The following SAMMSON variants were observed in gnomAD, a reference collection of about 807,000 sequenced individuals.
The protein encoded by SAMMSON is survival associated mitochondrial melanoma specific oncogenic non-coding RNA.
At chr3:70,429,128 GA>G (rs1265059701) in intron 2 of SAMMSON, among the ~76,000 whole-genome samples, 1 of 151,992 alleles carries the variant, frequency 6.6e-6, no homozygotes, top group African/African-American at 2.4e-5. Flanking sequence ...AATCCATCTT[GA>G]GTTAATTTTT....
chr3:70,230,966 T>G (rs1312793352), intron 4 of SAMMSON, among the ~76,000 whole-genome samples: 11 of 152,198 alleles, frequency 7.2e-5, no homozygotes, highest in Admixed American at 7.2e-4. Context: ...CATTTCGCAG[T>G]GATTCCCTGC....
intron 9 of SAMMSON, among the ~76,000 whole-genome samples, chr3:70,369,205 T>C (rs1449891258): frequency 6.6e-6 from 1 of 151,762 alleles, no homozygotes; most frequent in Non-Finnish European, 1.5e-5. Context: ...AATTGATTTT[T>C]GTATATTAAC....
chr3:70,054,566 C>G (rs1030479231), intron 3 of SAMMSON, among the ~76,000 whole-genome samples: 3 of 152,106 alleles, frequency 2.0e-5, no homozygotes, highest in Non-Finnish European at 4.4e-5. Context: ...GTGACTTACT[C>G]AAGTCTAGCA....
intron 4 of SAMMSON, among the ~76,000 whole-genome samples, chr3:70,082,890 G>A (rs922249644): frequency 5.3e-5 from 8 of 152,204 alleles, no homozygotes; most frequent in African/African-American, 1.9e-4. Context: ...TTTCTCAGAT[G>A]TAGAAACTAA....
At chr3:70,214,852 G>T (rs550477247) in intron 4 of SAMMSON, among the ~76,000 whole-genome samples, 1 of 151,930 alleles carries the variant, frequency 6.6e-6, no homozygotes, top group Non-Finnish European at 1.5e-5. Context: ...TTTGTAAAAA[G>T]TGTCTCAAGA....
chr3:70,010,682 C>G (rs2066950336), intron 1 of SAMMSON, among the ~76,000 whole-genome samples: 1 of 122,272 alleles, frequency 8.2e-6, no homozygotes, highest in South Asian at 2.9e-4. Flanking sequence ...AGTTCTTTTG[C>G]TGCTATAAAG....
intron 4 of SAMMSON, among the ~76,000 whole-genome samples, chr3:70,244,812 A>T (rs1191992648): frequency 6.6e-6 from 1 of 152,238 alleles, no homozygotes; most frequent in East Asian, 1.9e-4. Context: ...CTATGTATAT[A>T]TCCATGCCTC....
Position 70,128,012 on chromosome 3 carries a change from G to A in SAMMSON, n.507+56447G>A, listed in dbSNP as rs1427663285. 3.9e-5 allele frequency among the ~76,000 whole-genome samples: 6 copies of A among 152,164 alleles called. 1 individual carries two copies. Among genetic ancestry groups the A allele is most frequent in the Non-Finnish European group, 8.8e-5 (6 of 68,040 alleles). ...ATTAGTAAGGACCAGAATGGATAAC[G>A]TTCCTGGGTCAGGCATCATTTTCAG... is the stretch of plus-strand genomic sequence containing the variant. On this transcript the variant is annotated intron_variant and non_coding_transcript_variant, in intron 4 of 9. Coordinates refer to ENST00000642114, the Ensembl canonical transcript of SAMMSON.
At chr3:70,251,638 G>A (rs961491404) in intron 6 of SAMMSON, among the ~76,000 whole-genome samples, 1 of 152,058 alleles carries the variant, frequency 6.6e-6, no homozygotes, top group African/African-American at 2.4e-5. Context: ...GCAAATTTAG[G>A]TTCTGCTTTT....
At chr3:70,280,540 C>T (rs2106681190) in intron 6 of SAMMSON, among the ~76,000 whole-genome samples, 1 of 152,222 alleles carries the variant, frequency 6.6e-6, no homozygotes, top group South Asian at 2.1e-4. Flanking sequence ...TCTACTTTTG[C>T]CTGTATTGAA....
chr3:70,325,353 C>T (rs1702570803), intron 7 of SAMMSON, among the ~76,000 whole-genome samples: 1 of 152,112 alleles, frequency 6.6e-6, no homozygotes, highest in Non-Finnish European at 1.5e-5. Flanking sequence ...TTTTCTGTTC[C>T]AGTCACCTCA....
At chr3:70,354,981 T>C (rs1702819325) in intron 8 of SAMMSON, among the ~76,000 whole-genome samples, 1 of 152,086 alleles carries the variant, frequency 6.6e-6, no homozygotes, top group Non-Finnish European at 1.5e-5. Flanking sequence ...CTAACTCAGA[T>C]TTACCACGAC....
chr3:70,210,869 TAGAC>T (rs1701336662), intron 4 of SAMMSON, among the ~76,000 whole-genome samples: 1 of 152,112 alleles, frequency 6.6e-6, no homozygotes, highest in South Asian at 2.1e-4. Context: ...AGAGAAAAGA[TAGAC>T]AGCTAGTTAA....
At chr3:70,052,094 T>C (rs2067148535) in intron 3 of SAMMSON, among the ~76,000 whole-genome samples, 1 of 152,030 alleles carries the variant, frequency 6.6e-6, no homozygotes, top group East Asian at 1.9e-4. Flanking sequence ...CGAGGACCTG[T>C]CTCAAAAACA....
intron 7 of SAMMSON, among the ~76,000 whole-genome samples, chr3:70,307,879 A>G (rs1333191078): frequency 6.6e-6 from 1 of 152,150 alleles, no homozygotes; most frequent in Non-Finnish European, 1.5e-5. Flanking sequence ...TAATCAGCCA[A>G]TATGCCCATT....
At chr3:70,000,348 C>A (rs12495230) in intron 1 of SAMMSON, among the ~76,000 whole-genome samples, 1 of 151,990 alleles carries the variant, frequency 6.6e-6, no homozygotes, top group African/African-American at 2.4e-5. Context: ...CAAGGGAACC[C>A]GTACCGTTTC....
At chr3:70,218,806 C>T (rs763141953) in intron 4 of SAMMSON, among the ~76,000 whole-genome samples, 3 of 152,132 alleles carry the variant, frequency 2.0e-5, no homozygotes, top group Non-Finnish European at 4.4e-5. Flanking sequence ...AGTGCATTGA[C>T]TGTGCTTGGC....
intron 4 of SAMMSON, among the ~76,000 whole-genome samples, chr3:70,086,988 A>C (rs946062581): frequency 6.6e-6 from 1 of 152,148 alleles, no homozygotes; most frequent in Admixed American, 6.6e-5. Context: ...AGCCCCAAAT[A>C]CAGCCCGCGG....
intron 4 of SAMMSON, among the ~76,000 whole-genome samples, chr3:70,173,908 A>T (rs537136634): frequency 2.0e-5 from 3 of 152,076 alleles, no homozygotes; most frequent in Admixed American, 1.3e-4. Flanking sequence ...ATACCAGAAC[A>T]TGTTACCAAG....
Sources: allele counts gnomAD v4.1 joint callset (sites outside exome capture counted in the v4.1 genomes callset), GRCh38; gene constraint gnomAD v4.1.1; transcripts MANE v1.5; gene names NCBI Gene and HGNC (gene_info 2026-07-23, HGNC 2026-07-21).